Variants in SENP7 observed in about 807,000 individuals in gnomAD.
SENP7 encodes the protein SUMO specific peptidase 7, also known as sentrin-specific protease 7.
A neutral mutation model predicts 141.2 loss-of-function variants in SENP7; 64 were observed. The ratio of observed to expected loss-of-function variants is 0.45; its 90% CI spans 0.37 to 0.56. SENP7 has a LOEUF of 0.56. SENP7 is among the 20% of genes least tolerant of loss of function. The pLI is 0.00. For synonymous variants in SENP7, 382 were observed against 426.4 expected (o/e 0.90, Z 1.28); for missense variants, 1,025 against 1,212.2 (o/e 0.85, Z 2.29).
chr3:101,337,616 C>T lies in SENP7; in HGVS notation c.2373G>A (p.Glu791=), dbSNP rs1333331795. The T allele has an allele frequency of 6.2e-7, 1 of 1,602,196 alleles. No homozygotes were observed. The highest frequency in any genetic ancestry group is 2.3e-5 in the East Asian group (1 of 44,424). The change falls in exon 17 of 24, where the codon GAG becomes GAA. Residue 791 remains glutamate, a synonymous_variant. Coordinates refer to ENST00000394095, the MANE Select transcript of SENP7 (RefSeq NM_020654.5). ...IDFYLKYLIL[E]KASDELVERS... ...GTTCAACAAGTTCATCTGATGCCTT[C>T]TCCAATATAAGATACCTGTAAAGTA...
At chr3:101,376,727 A>C (rs1559739911) in intron 6 of SENP7, among the ~76,000 whole-genome samples, 1 of 152,236 alleles carries the variant, frequency 6.6e-6, no homozygotes, top group Non-Finnish European at 1.5e-5. Context: ...TGGCACATGT[A>C]TACATATGTA....
intron 6 of SENP7, among the ~76,000 whole-genome samples, chr3:101,378,148 C>A (rs1176019105): frequency 1.4e-5 from 2 of 145,096 alleles, no homozygotes; most frequent in African/African-American, 5.1e-5. Flanking sequence ...ACGTCATGTC[C>A]AACTATCCAA....
chr3:101,489,924 C>T (rs2064894422), intron 3 of SENP7, among the ~76,000 whole-genome samples: 1 of 152,184 alleles, frequency 6.6e-6, no homozygotes, highest in Non-Finnish European at 1.5e-5. Flanking sequence ...GTGGTTCACG[C>T]CTGTAATGCC....
intron 6 of SENP7, among the ~76,000 whole-genome samples, chr3:101,374,897 A>G (rs1423725011): frequency 6.6e-6 from 1 of 152,160 alleles, no homozygotes; most frequent in African/African-American, 2.4e-5. Context: ...TGATAATAAT[A>G]AAGACCTCCT....
chr3:101,459,562 A>G (rs1286815346), intron 3 of SENP7, among the ~76,000 whole-genome samples: 1 of 152,196 alleles, frequency 6.6e-6, no homozygotes, highest in East Asian at 1.9e-4. Context: ...GCCTAGGCAA[A>G]TAAGTCATTT....
At position 101,399,041 on chromosome 3, in the gene SENP7, A is replaced by G; in HGVS notation, c.497T>C (p.Ile166Thr). ...LNLSERIPRV[I>T]LTNVLGTELG... ...CTCCGTTCCCAGGACATTCGTCAAT[A>G]TAACTCTGGGTATCCTGTCACATAG... Residue 166 changes from isoleucine (I) to threonine (T), a missense_variant, in exon 6 of 24, where the codon ATA becomes ACA. Physicochemically the swap from Ile to Thr is moderately conservative, Grantham distance 89 (BLOSUM62 -1). Coordinates refer to ENST00000394095, the MANE Select transcript of SENP7 (RefSeq NM_020654.5). 1 of 1,611,396 alleles carries G rather than the reference A, an allele frequency of 6.2e-7. No individual in the cohort carries two copies. Among genetic ancestry groups the G allele is most frequent in the Non-Finnish European group, 8.5e-7 (1 of 1,178,412 alleles).
intron 22 of SENP7, 92 bp from the exon 23 acceptor site, chr3:101,327,908 G>A (rs2058945626): frequency 5.4e-6 from 6 of 1,105,462 alleles, no homozygotes; most frequent in Non-Finnish European, 7.6e-6. Flanking sequence ...TTTGTTGCCA[G>A]ATGTGCTGTC....
At chr3:101,412,826 G>C (rs2061493730) in intron 5 of SENP7, among the ~76,000 whole-genome samples, 1 of 152,064 alleles carries the variant, frequency 6.6e-6, no homozygotes, top group Non-Finnish European at 1.5e-5. Context: ...ACCATACATG[G>C]AGATAAAACT....
At chr3:101,386,850 C>T (rs963121965) in intron 6 of SENP7, among the ~76,000 whole-genome samples, 13 of 152,224 alleles carry the variant, frequency 8.5e-5, no homozygotes, top group African/African-American at 3.1e-4. Flanking sequence ...TGGGGACCAG[C>T]CTTCCCAGCT....
At chr3:101,512,333 T>G (rs2065894460) in intron 1 of SENP7, among the ~76,000 whole-genome samples, 1 of 152,212 alleles carries the variant, frequency 6.6e-6, no homozygotes, top group African/African-American at 2.4e-5. Flanking sequence ...ACTTCTCAAC[T>G]GGGAGGAGCT....
intron 3 of SENP7, among the ~76,000 whole-genome samples, chr3:101,480,124 C>T (rs947145566): frequency 6.6e-6 from 1 of 151,988 alleles, no homozygotes; most frequent in African/African-American, 2.4e-5. Context: ...AGATTCAATG[C>T]AATCCCTATC....
intron 4 of SENP7, among the ~76,000 whole-genome samples, chr3:101,419,137 T>A (rs2061710155): frequency 6.6e-6 from 1 of 152,092 alleles, no homozygotes; most frequent in Admixed American, 6.5e-5. Flanking sequence ...ACAGGCACTA[T>A]CCAAAGGAAA....
At chr3:101,458,851 T>G (rs1047773552) in intron 4 of SENP7, 104 bp downstream of exon 4, 30 of 657,988 alleles carry the variant, frequency 4.6e-5, no homozygotes, top group Non-Finnish European at 7.3e-5. Context: ...AACCTTCTAT[T>G]TTAAACATGT....
intron 5 of SENP7, among the ~76,000 whole-genome samples, chr3:101,400,301 T>C (rs1232146508): frequency 6.6e-6 from 1 of 152,170 alleles, no homozygotes; most frequent in South Asian, 2.1e-4. Context: ...AGAAACAATA[T>C]ATAGAAAGAG....
At chr3:101,478,364 A>T (rs866192226) in intron 3 of SENP7, among the ~76,000 whole-genome samples, 7 of 152,172 alleles carry the variant, frequency 4.6e-5, no homozygotes, top group Non-Finnish European at 1.0e-4. Context: ...CCAAAAAAAA[A>T]TTTTTAATTA....
At chr3:101,429,073 A>G (rs113681562) in intron 4 of SENP7, among the ~76,000 whole-genome samples, 2,070 of 152,296 alleles carry the variant, frequency 0.014, 46 homozygotes, top group African/African-American at 0.047. Flanking sequence ...TACCAGTACC[A>G]TGCTGTTTTG....
At chr3:101,416,306 A>C (rs1328661518) in intron 5 of SENP7, among the ~76,000 whole-genome samples, 2 of 152,232 alleles carry the variant, frequency 1.3e-5, no homozygotes, top group Non-Finnish European at 2.9e-5. Context: ...AAAAATTCCT[A>C]GTGGTAAAAC....
At chr3:101,354,107 C>A (rs975492794) in intron 11 of SENP7, among the ~76,000 whole-genome samples, 3 of 151,816 alleles carry the variant, frequency 2.0e-5, no homozygotes, top group Admixed American at 2.0e-4. Flanking sequence ...TGCTTATATT[C>A]TCTCCATCAT....
chr3:101,456,941 TTTTTG>T (rs57842838), intron 4 of SENP7, among the ~76,000 whole-genome samples: 22,280 of 150,188 alleles, frequency 0.15, 1,758 homozygotes, highest in African/African-American at 0.18. Flanking sequence ...TGATATAAGC[TTTTTG>T]TTTTGTTTTG....
Sources: gnomAD v4.1 joint callset for allele counts (sites outside exome capture counted in the v4.1 genomes callset) on GRCh38, gnomAD v4.1.1 for gene constraint, MANE v1.5 for transcripts, NCBI Gene and HGNC (gene_info 2026-07-23, HGNC 2026-07-21) for gene names.